Variants in CPEB3 observed in about 807,000 individuals in gnomAD.
CPEB3 encodes cytoplasmic polyadenylation element-binding protein 3.
Under a neutral mutation model 67.2 loss-of-function variants are expected in CPEB3, and 20 were observed. The observed-to-expected ratio is 0.30, with a 90% CI of 0.21 to 0.43. The LOEUF is 0.43. Among genes scored for constraint, CPEB3 ranks in the 20% least tolerant of loss-of-function variants. CPEB3 has a pLI of 1.00. For synonymous variants in CPEB3, 376 were observed against 393.1 expected (o/e 0.96, Z 0.51); for missense variants, 746 against 968.6 (o/e 0.77, Z 3.05).
At position 92,048,689 on chromosome 10, in the gene CPEB3, T is replaced by C. The variant is rs1852183123; in HGVS notation, c.*3523A>G. ...ACCCAATTATCCATTACATTTCCAA[T>C]CACTTTACATAACCAAGCATTTTCA... On this transcript the variant is annotated 3_prime_UTR_variant, in exon 10 of 10. Transcript: ENST00000265997. This position sits in a 1 kb window ranked among gnomAD's most constrained non-coding sequence, Gnocchi z 4.1. 1 of 152,636 alleles carries C rather than the reference T, an allele frequency of 6.6e-6. No individual in the cohort carries two copies. Among genetic ancestry groups the C allele is most frequent in the South Asian group, 2.1e-4 (1 of 4,828 alleles). The allele number at this position is 152,636 out of a possible 1,614,324, so 9.5% of individuals were successfully genotyped here. A position where few individuals can be genotyped will look rare whatever the true frequency, so the allele number is the denominator to read the frequency against.
chr10:92,089,962 A>G (rs959287075), intron 8 of CPEB3, among the ~76,000 whole-genome samples: 5 of 152,210 alleles, frequency 3.3e-5, no homozygotes, highest in Non-Finnish European at 5.9e-5. Context: ...CACTTCTTGC[A>G]GTGTTGGTGT....
At chr10:92,234,831 A>G (rs1203715291) in intron 2 of CPEB3, among the ~76,000 whole-genome samples, 2 of 152,116 alleles carry the variant, frequency 1.3e-5, no homozygotes, top group African/African-American at 4.8e-5. Flanking sequence ...AGGCTGAGGC[A>G]GGAGAATCTC....
chr10:92,284,871 A>G (rs1011995953), intron 1 of CPEB3, among the ~76,000 whole-genome samples: 1 of 152,192 alleles, frequency 6.6e-6, no homozygotes, highest in African/African-American at 2.4e-5. Context: ...GAATTAATAG[A>G]TTCAAGGTTT....
chr10:92,204,635 G>C (rs973631976), intron 2 of CPEB3, among the ~76,000 whole-genome samples: 2 of 152,072 alleles, frequency 1.3e-5, no homozygotes, highest in African/African-American at 4.8e-5. Context: ...CATTATCTTA[G>C]TTTCCAAACC....
At chr10:92,161,303 C>T (rs1047000833) in intron 4 of CPEB3, among the ~76,000 whole-genome samples, 2 of 151,716 alleles carry the variant, frequency 1.3e-5, no homozygotes, top group East Asian at 2.0e-4. Flanking sequence ...CAGAGTTTCG[C>T]CCTTGTTGCC....
At chr10:92,269,461 G>A (rs1853205683) in intron 1 of CPEB3, among the ~76,000 whole-genome samples, 1 of 151,996 alleles carries the variant, frequency 6.6e-6, no homozygotes. Context: ...CAATCTTCAT[G>A]TTCAAATATT....
chr10:92,213,637 C>T (rs1289973143), intron 2 of CPEB3, among the ~76,000 whole-genome samples: 2 of 152,024 alleles, frequency 1.3e-5, no homozygotes, highest in Admixed American at 6.6e-5. Context: ...TTTGTAGAAC[C>T]TTACTATTTT....
chr10:92,264,840 G>A (rs911774465), intron 1 of CPEB3, among the ~76,000 whole-genome samples: 3 of 152,006 alleles, frequency 2.0e-5, no homozygotes, highest in African/African-American at 7.2e-5. Flanking sequence ...CGATCACTGA[G>A]ACCAGGTTGC....
At chr10:92,257,474 T>G (rs1852566966) in intron 1 of CPEB3, among the ~76,000 whole-genome samples, 1 of 151,740 alleles carries the variant, frequency 6.6e-6, no homozygotes, top group African/African-American at 2.4e-5. Flanking sequence ...TTTTGTATTT[T>G]TAGTATAGAT....
intron 1 of CPEB3, among the ~76,000 whole-genome samples, chr10:92,241,099 T>C (rs1851831149): frequency 6.6e-6 from 1 of 152,070 alleles, no homozygotes; most frequent in Non-Finnish European, 1.5e-5. Flanking sequence ...TACTGAAACG[T>C]TTGGAAGTGC....
intron 4 of CPEB3, among the ~76,000 whole-genome samples, chr10:92,150,482 A>T (rs1045192793): frequency 1.5e-4 from 23 of 152,204 alleles, no homozygotes; most frequent in African/African-American, 5.3e-4. Context: ...GAGCTAGTAG[A>T]CAGTCAGCTA....
intron 9 of CPEB3, among the ~76,000 whole-genome samples, chr10:92,079,798 ATATAGAACAGATTTAC>A (rs1476699497): frequency 1.3e-5 from 2 of 152,224 alleles, no homozygotes; most frequent in African/African-American, 4.8e-5. Flanking sequence ...GTGAAACTTC[ATATAGAACAGATTTAC>A]TACTTTATTA....
intron 4 of CPEB3, among the ~76,000 whole-genome samples, chr10:92,150,116 T>C (rs911205122): frequency 2.6e-5 from 4 of 152,224 alleles, no homozygotes; most frequent in African/African-American, 9.6e-5. Context: ...TAAGAGCTTG[T>C]AGTATTTACC....
chr10:92,184,560 G>C (rs559786489), intron 3 of CPEB3, among the ~76,000 whole-genome samples: 2 of 152,214 alleles, frequency 1.3e-5, no homozygotes, highest in Admixed American at 1.3e-4. Flanking sequence ...AGCCGAGATC[G>C]TGTCACAGCA....
chr10:92,114,148 C>G (rs1376884035), intron 6 of CPEB3, among the ~76,000 whole-genome samples: 1 of 152,180 alleles, frequency 6.6e-6, no homozygotes, highest in Non-Finnish European at 1.5e-5. Flanking sequence ...TCTTCTAACT[C>G]TACTTCCCAC....
intron 4 of CPEB3, among the ~76,000 whole-genome samples, chr10:92,162,290 T>C (rs759569379): frequency 5.9e-5 from 9 of 152,044 alleles, no homozygotes; most frequent in Non-Finnish European, 1.3e-4. Context: ...AGGGTTTAGT[T>C]TGGGGTATTA....
chr10:92,119,437 T>C (rs932828457), intron 6 of CPEB3, among the ~76,000 whole-genome samples: 4 of 152,214 alleles, frequency 2.6e-5, no homozygotes, highest in African/African-American at 9.7e-5. Flanking sequence ...AGTTATTCTC[T>C]TTCCATATTG....
At chr10:92,250,794 A>G (rs1468467542) in intron 1 of CPEB3, among the ~76,000 whole-genome samples, 3 of 151,270 alleles carry the variant, frequency 2.0e-5, no homozygotes, top group Non-Finnish European at 4.4e-5. Flanking sequence ...GGTTCAAGCA[A>G]TTCTCATGGC....
intron 2 of CPEB3, among the ~76,000 whole-genome samples, chr10:92,236,614 T>C (rs985606270): frequency 6.6e-6 from 1 of 152,214 alleles, no homozygotes. Context: ...CCGGGCGTGG[T>C]GGCGGACGCC....
Sources: gnomAD v4.1 joint callset for allele counts (sites outside exome capture counted in the v4.1 genomes callset) on GRCh38, gnomAD v4.1.1 for gene constraint, Gnocchi (gnomAD v3.1) non-coding constraint, MANE v1.5 for transcripts, NCBI Gene and HGNC (gene_info 2026-07-23, HGNC 2026-07-21) for gene names.